The following TRIM16 variants were observed in gnomAD, a reference collection of about 807,000 sequenced individuals.
TRIM16 encodes tripartite motif containing 16.
A neutral mutation model predicts 50.4 loss-of-function variants in TRIM16; 33 were observed. The observed-to-expected ratio is 0.65, with a 90% CI of 0.50 to 0.88. The LOEUF (loss-of-function observed/expected upper bound fraction) is 0.88. TRIM16 is among the 40% of genes least tolerant of loss of function. TRIM16 has a pLI of 0.00. For synonymous variants in TRIM16, 229 were observed against 270.7 expected, an observed-to-expected ratio of 0.85 and a Z score of 1.51; for missense variants, 581 against 686.8, an observed-to-expected ratio of 0.85 and a Z score of 1.72.
At chr17:15,649,413 A>G (rs1188621601) in intron 7 of TRIM16, among the ~76,000 whole-genome samples, 2 of 151,984 alleles carry the variant, frequency 1.3e-5, no homozygotes, top group African/African-American at 4.8e-5. Context: ...CAGCCTCCCT[A>G]GCAGCTGGGA....
intron 6 of TRIM16, among the ~76,000 whole-genome samples, chr17:15,670,790 C>T (rs545396432): frequency 1.6e-4 from 24 of 152,310 alleles, no homozygotes; most frequent in African/African-American, 5.5e-4. Flanking sequence ...CTATAAAAAC[C>T]GTGATACTGA....
intron 3 of TRIM16, 94 bp from the exon 4 acceptor site, chr17:15,681,047 T>G: frequency 1.7e-6 from 2 of 1,193,980 alleles, no homozygotes; most frequent in South Asian, 1.6e-5. Context: ...AATGTGCCTC[T>G]GACCTTGGCT....
At chr17:15,661,093 T>C (rs1477385238) in intron 6 of TRIM16, among the ~76,000 whole-genome samples, 1 of 152,112 alleles carries the variant, frequency 6.6e-6, no homozygotes, top group African/African-American at 2.4e-5. Flanking sequence ...AAGTGTCAAG[T>C]GGTCAGAGTC....
At position 15,632,689 on chromosome 17, in the gene TRIM16, A is replaced by T. The variant is rs1164706409; in HGVS notation, c.850-15T>A. The T allele has an allele frequency of 6.4e-7, 1 of 1,556,080 alleles. No homozygotes were observed. Reference sequence around the variant, plus strand: ...TTGCAGTACTCCTGCAGAAAAGGAAACAGCAGAACTTGCTGTGGTTTCTGT... The same window carrying T: ...TTGCAGTACTCCTGCAGAAAAGGAATCAGCAGAACTTGCTGTGGTTTCTGT... On this transcript the variant is annotated splice_polypyrimidine_tract_variant and intron_variant, in intron 9 of 11. Coordinates refer to ENST00000649191, the MANE Select transcript of TRIM16 (RefSeq NM_001348119.1).
intron 6 of TRIM16, among the ~76,000 whole-genome samples, chr17:15,670,745 T>C (rs1339786306): frequency 2.0e-5 from 3 of 152,264 alleles, no homozygotes; most frequent in Admixed American, 6.5e-5. Context: ...TAGGTTGGTG[T>C]TACTGGAATC....
At chr17:15,636,499 G>C (rs1217349695) in intron 8 of TRIM16, among the ~76,000 whole-genome samples, 3 of 149,086 alleles carry the variant, frequency 2.0e-5, no homozygotes, top group Non-Finnish European at 4.5e-5. Flanking sequence ...ATTCCTCTAT[G>C]ACCTCTGAGA....
chr17:15,677,627 T>C lies in TRIM16; in HGVS notation c.-495A>G, dbSNP rs1989004424. On this transcript the variant is annotated 5_prime_UTR_variant, in exon 5 of 12. Transcript: ENST00000649191. Reference sequence around the variant, plus strand: ...CCAGCATTACATCCCTGTACAAGACTCTCTGAGCAAGGTCCAGTTCTCTCC... The same window carrying C: ...CCAGCATTACATCCCTGTACAAGACCCTCTGAGCAAGGTCCAGTTCTCTCC... The C allele has an allele frequency of 9.5e-7, 1 of 1,051,298 alleles. No individual in the cohort carries two copies. Among genetic ancestry groups the C allele is most frequent in the Non-Finnish European group, 1.2e-6 (1 of 862,466 alleles). 65.1% of individuals were successfully genotyped at this position (1,051,298 alleles called of 1,614,324 possible).
At chr17:15,676,402 C>T (rs1216201433) in intron 6 of TRIM16, among the ~76,000 whole-genome samples, 8 of 151,556 alleles carry the variant, frequency 5.3e-5, no homozygotes, top group Admixed American at 2.0e-4. Context: ...TTCACCTACA[C>T]ATCCAGACCA....
intron 6 of TRIM16, among the ~76,000 whole-genome samples, chr17:15,663,124 A>C (rs1988317473): frequency 6.6e-6 from 1 of 151,922 alleles, no homozygotes; most frequent in African/African-American, 2.4e-5. Flanking sequence ...AGGAACTGGC[A>C]TTTCTTCTTT....
At chr17:15,665,299 T>TCAG (rs1458757084) in intron 6 of TRIM16, among the ~76,000 whole-genome samples, 2 of 151,804 alleles carry the variant, frequency 1.3e-5, no homozygotes, top group Admixed American at 1.3e-4. Context: ...GATCACGAGG[T>TCAG]CAGATCGAGA....
rs1457172930 is a variant in TRIM16 at position 15,651,274 on chromosome 17, G to C, written c.336C>G (p.Ile112Met). ...EEHLQPHQVN[I>M]KLQSHLLTEP... Reference sequence around the variant, plus strand: ...CGGTCAGCAGGTGGCTTTGCAGTTTGATGTTCACCTGATGCGGCTGCAAGT... The same window carrying C: ...CGGTCAGCAGGTGGCTTTGCAGTTTCATGTTCACCTGATGCGGCTGCAAGT... The change falls in exon 7 of 12, where the codon ATC becomes ATG. Residue 112 changes from isoleucine to methionine, a missense_variant. By Grantham distance (10) the Ile-to-Met change is conservative. Coordinates refer to ENST00000649191, the MANE Select transcript of TRIM16 (RefSeq NM_001348119.1). 41 of 1,614,228 alleles carry C rather than the reference G, an allele frequency of 2.5e-5. No homozygotes were observed. The highest frequency in any genetic ancestry group is 3.3e-5 in the Non-Finnish European group (39 of 1,180,040).
intron 6 of TRIM16, among the ~76,000 whole-genome samples, chr17:15,665,370 A>T (rs1484191147): frequency 6.6e-6 from 1 of 151,880 alleles, no homozygotes; most frequent in African/African-American, 2.4e-5. Context: ...TTAGCCGGGC[A>T]TGGTGGTGGG....
At chr17:15,682,794 TCAGAG>T in intron 3 of TRIM16, 55 bp downstream of exon 3, 1 of 1,360,112 alleles carries the variant, frequency 7.4e-7, no homozygotes, top group Non-Finnish European at 9.5e-7. Flanking sequence ...TCTTCTTTTT[TCAGAG>T]TTTCAAATTA....
intron 3 of TRIM16, 68 bp downstream of exon 3, chr17:15,682,786 T>C: frequency 7.4e-7 from 1 of 1,344,440 alleles, no homozygotes; most frequent in East Asian, 2.9e-5. Flanking sequence ...GTAAGGTATC[T>C]TCTTTTTTCA....
At chr17:15,638,493 C>T (rs1986959080) in intron 8 of TRIM16, among the ~76,000 whole-genome samples, 1 of 148,940 alleles carries the variant, frequency 6.7e-6, no homozygotes, top group Non-Finnish European at 1.5e-5. Context: ...TGGCATGAAC[C>T]TAGGAAGCGG....
chr17:15,669,171 C>T (rs76725390), intron 6 of TRIM16, among the ~76,000 whole-genome samples: 2,598 of 151,596 alleles, frequency 0.017, 72 homozygotes, highest in African/African-American at 0.06. Flanking sequence ...CTAGTACAGC[C>T]AATTCATCAA....
chr17:15,673,264 C>A (rs1010351541), intron 6 of TRIM16, among the ~76,000 whole-genome samples: 4 of 152,222 alleles, frequency 2.6e-5, no homozygotes, highest in African/African-American at 7.2e-5. Flanking sequence ...GGATTTTGGG[C>A]ATTTCAAAAA....
In TRIM16 at chr17:15,670,722, T is replaced by C. The variant is rs200446399; in HGVS notation, c.-338+6454A>G. Reference sequence around the variant, plus strand: ...TAAGTATTTTCTCCACTGAAGATTATTCTACATACAATTAGGTTGGTGTTA... The same window carrying C: ...TAAGTATTTTCTCCACTGAAGATTACTCTACATACAATTAGGTTGGTGTTA... On this transcript the variant is annotated intron_variant, in intron 6 of 11. Transcript: ENST00000649191. Among the ~76,000 whole-genome samples the C allele has an allele frequency of 2.7e-3, 410 of 152,348 alleles. 8 individuals carry two copies. The East Asian group carries it at 0.062, about 23-fold the overall frequency.
At position 15,681,867 on chromosome 17, in the gene TRIM16, A is replaced by G. The variant is rs577936261; in HGVS notation, c.-678-914T>C. Among the ~76,000 whole-genome samples, 5 of 152,274 alleles carry G rather than the reference A, an allele frequency of 3.3e-5. No individual in the cohort carries two copies. The South Asian group carries it at 1.0e-3, about 32-fold the overall frequency. Reference sequence around the variant, plus strand: ...ACCTCCTTGTGGATTTGTTTGGGGGAAGAAGTAGTTCTTTTAGGCCTCAGT... The same window carrying G: ...ACCTCCTTGTGGATTTGTTTGGGGGGAGAAGTAGTTCTTTTAGGCCTCAGT... On this transcript the variant is annotated intron_variant, in intron 3 of 11. Coordinates refer to ENST00000649191, the MANE Select transcript of TRIM16 (RefSeq NM_001348119.1).
Sources: gnomAD v4.1 joint callset for allele counts (sites outside exome capture counted in the v4.1 genomes callset) on GRCh38, gnomAD v4.1.1 for gene constraint, MANE v1.5 for transcripts, NCBI Gene and HGNC (gene_info 2026-07-23, HGNC 2026-07-21) for gene names.